Variants in DPP10 observed in about 807,000 individuals in gnomAD.
DPP10 encodes the protein dipeptidyl peptidase like 10.
DPP10 carries 33 observed loss-of-function variants against 120.9 expected under a neutral mutation model. That is an observed-to-expected ratio of 0.27 (90% confidence interval 0.21 to 0.37). The LOEUF is 0.37. Ranked by LOEUF, DPP10 falls within the 10% of genes least tolerant of loss-of-function variation. The pLI, the probability that DPP10 is intolerant of heterozygous loss-of-function variation, is 1.00. For missense variants in DPP10, 816 were observed against 942.8 expected (o/e 0.87, Z 1.76); for synonymous variants, 337 against 326.1 (o/e 1.03, Z -0.36).
At chr2:115,037,283 G>A (rs374148722) in intron 1 of DPP10, among the ~76,000 whole-genome samples, 10 of 152,116 alleles carry the variant, frequency 6.6e-5, no homozygotes, top group South Asian at 6.2e-4. Flanking sequence ...GAGAAACAAC[G>A]AATATACTAA....
Position 115,499,521 on chromosome 2 carries a change from G to A in DPP10, c.283G>A (p.Val95Met), listed in dbSNP as rs778160232. ...EARWINDTDVVYKSENGHVIK... is the reference protein window; with the variant it reads ...EARWINDTDVMYKSENGHVIK... The stretch of plus-strand genomic sequence containing the variant: ...CTTTGTTGTTGCAGATACAGATGTG[G>A]TGTATAAAAGCGAGAATGGACATGT... Residue 95 changes from valine to methionine, a missense_variant, in exon 4 of 26, where the codon GTG becomes ATG. Transcript: ENST00000410059. 6.2e-7 allele frequency: 1 copy of A among 1,610,972 alleles called. No homozygotes were observed. Among genetic ancestry groups the A allele is most frequent in the South Asian group, 1.1e-5 (1 of 90,854 alleles).
At chr2:114,810,664 T>G (rs749701203) in intron 1 of DPP10, among the ~76,000 whole-genome samples, 28 of 152,214 alleles carry the variant, frequency 1.8e-4, no homozygotes, top group Non-Finnish European at 3.4e-4. Context: ...TGTGTGCAGA[T>G]CAATGTTAGT....
At chr2:115,174,629 G>C (rs1213682743) in intron 1 of DPP10, among the ~76,000 whole-genome samples, 1 of 152,132 alleles carries the variant, frequency 6.6e-6, no homozygotes, top group Non-Finnish European at 1.5e-5. Flanking sequence ...TCATATGTCG[G>C]CTGATTAGAT....
chr2:115,535,992 A>G (rs1362301983), intron 5 of DPP10, among the ~76,000 whole-genome samples: 1 of 152,068 alleles, frequency 6.6e-6, no homozygotes, highest in Non-Finnish European at 1.5e-5. Context: ...GAAGTTGCTT[A>G]TCAGCTTAAG....
intron 7 of DPP10, among the ~76,000 whole-genome samples, chr2:115,700,997 T>C (rs1214951899): frequency 6.6e-6 from 1 of 152,132 alleles, no homozygotes. Context: ...TGTAATCTTG[T>C]TATGATGTCA....
At chr2:115,813,924 T>G (rs1008023441) in intron 19 of DPP10, among the ~76,000 whole-genome samples, 1 of 152,206 alleles carries the variant, frequency 6.6e-6, no homozygotes. Context: ...GTTTAAATGG[T>G]CTGTAAATCT....
chr2:115,776,959 T>C (rs1178964255), intron 13 of DPP10, among the ~76,000 whole-genome samples: 3 of 152,074 alleles, frequency 2.0e-5, no homozygotes, highest in Admixed American at 2.0e-4. Flanking sequence ...CAACATGGTA[T>C]ACTTGATTCA....
intron 3 of DPP10, among the ~76,000 whole-genome samples, chr2:115,374,624 C>T (rs1398687600): frequency 6.6e-6 from 1 of 152,212 alleles, no homozygotes; most frequent in African/African-American, 2.4e-5. Flanking sequence ...GAGGGCTCCG[C>T]ACATGCAGCA....
chr2:115,470,586 G>A (rs562823702), intron 3 of DPP10, among the ~76,000 whole-genome samples: 2 of 152,258 alleles, frequency 1.3e-5, no homozygotes, highest in African/African-American at 4.8e-5. Flanking sequence ...AGAAACGATT[G>A]GAATGTTTGT....
chr2:115,495,025 G>A (rs1454166778), intron 3 of DPP10, among the ~76,000 whole-genome samples: 1 of 152,024 alleles, frequency 6.6e-6, no homozygotes, highest in African/African-American at 2.4e-5. Flanking sequence ...GAATTTTGTC[G>A]GATTTCAACT....
chr2:114,936,168 G>A (rs1345768247), intron 1 of DPP10, among the ~76,000 whole-genome samples: 1 of 151,886 alleles, frequency 6.6e-6, no homozygotes, highest in Non-Finnish European at 1.5e-5. Flanking sequence ...AGTCCCCGAA[G>A]TCCATTGTCT....
intron 1 of DPP10, among the ~76,000 whole-genome samples, chr2:114,984,828 T>A (rs146116093): frequency 1.3e-4 from 20 of 152,234 alleles, no homozygotes; most frequent in African/African-American, 4.6e-4. Context: ...GCCATTGCCA[T>A]GACTCCTGCC....
intron 1 of DPP10, among the ~76,000 whole-genome samples, chr2:115,233,428 TG>T (rs1295567826): frequency 6.6e-6 from 1 of 152,186 alleles, no homozygotes; most frequent in African/African-American, 2.4e-5. Flanking sequence ...CAGTCCCGTG[TG>T]TGATTATAAG....
At chr2:115,511,368 A>G (rs920072019) in intron 4 of DPP10, among the ~76,000 whole-genome samples, 8 of 152,236 alleles carry the variant, frequency 5.3e-5, no homozygotes, top group African/African-American at 1.9e-4. Context: ...AAGCAATTTT[A>G]TAGTATTCTG....
At chr2:114,916,197 C>T (rs1488409780) in intron 1 of DPP10, among the ~76,000 whole-genome samples, 2 of 152,104 alleles carry the variant, frequency 1.3e-5, no homozygotes, top group South Asian at 2.1e-4. Flanking sequence ...TTTATGAACA[C>T]CGCTATTCAC....
intron 1 of DPP10, among the ~76,000 whole-genome samples, chr2:114,455,928 G>A (rs538103019): frequency 5.0e-4 from 76 of 152,100 alleles, no homozygotes; most frequent in Middle Eastern, 6.8e-3. Context: ...CTACTCAGTC[G>A]TGCTTTGACT....
intron 1 of DPP10, among the ~76,000 whole-genome samples, chr2:114,778,934 T>C (rs1398706792): frequency 6.6e-6 from 1 of 152,070 alleles, no homozygotes; most frequent in Non-Finnish European, 1.5e-5. Flanking sequence ...TAAAAAATAA[T>C]GTATAATCTA....
intron 3 of DPP10, among the ~76,000 whole-genome samples, chr2:115,467,119 G>A (rs2074374619): frequency 6.6e-6 from 1 of 152,036 alleles, no homozygotes; most frequent in African/African-American, 2.4e-5. Context: ...GAAAATTTAA[G>A]GGAGCAATAA....
intron 1 of DPP10, among the ~76,000 whole-genome samples, chr2:114,739,003 A>G (rs1219741769): frequency 4.6e-5 from 7 of 152,114 alleles, no homozygotes; most frequent in Admixed American, 4.6e-4. Flanking sequence ...CTAGAAATAG[A>G]GTTTCCCTTC....
Sources: allele counts gnomAD v4.1 joint callset (sites outside exome capture counted in the v4.1 genomes callset), GRCh38; gene constraint gnomAD v4.1.1; transcripts MANE v1.5; gene names NCBI Gene and HGNC (gene_info 2026-07-23, HGNC 2026-07-21).